Variants in GMPS observed in about 807,000 individuals in gnomAD.
GMPS encodes GMP synthase [glutamine-hydrolyzing].
A neutral mutation model predicts 77.9 loss-of-function variants in GMPS; 15 were observed. That is an observed-to-expected ratio of 0.19 (90% CI 0.13 to 0.30). The LOEUF (loss-of-function observed/expected upper bound fraction) is 0.30. Ranked by LOEUF, GMPS falls within the 10% of genes least tolerant of loss-of-function variation. The pLI, the probability that GMPS is intolerant of heterozygous loss-of-function variation, is 1.00. For missense variants in GMPS, 590 were observed against 838.8 expected (o/e 0.70, Z 3.66); for synonymous variants, 224 against 275.9 (o/e 0.81, Z 1.86).
At chr3:155,904,294 C>CTTT (rs200187226) in intron 4 of GMPS, among the ~76,000 whole-genome samples, 1 of 145,266 alleles carries the variant, frequency 6.9e-6, no homozygotes. Flanking sequence ...TTTTCTTTTT[C>CTTT]TTTTTTTTTT....
At chr3:155,890,814 T>C (rs1754446352) in intron 1 of GMPS, among the ~76,000 whole-genome samples, 2 of 152,354 alleles carry the variant, frequency 1.3e-5, no homozygotes, top group South Asian at 4.1e-4. Context: ...CTTGCCACAG[T>C]CAGCATTTTC....
chr3:155,930,042 G>A (rs1053616969), intron 12 of GMPS, among the ~76,000 whole-genome samples: 23 of 147,954 alleles, frequency 1.6e-4, no homozygotes, highest in African/African-American at 4.0e-4. Context: ...AAAAGAGCCC[G>A]CATCGCCAAG....
intron 1 of GMPS, among the ~76,000 whole-genome samples, chr3:155,892,615 G>A (rs1011962720): frequency 5.3e-5 from 8 of 152,144 alleles, no homozygotes; most frequent in African/African-American, 1.7e-4. Context: ...ACAGCAATCA[G>A]ATTTAAAAAG....
At chr3:155,921,034 G>A (rs1755306635) in intron 10 of GMPS, among the ~76,000 whole-genome samples, 1 of 152,136 alleles carries the variant, frequency 6.6e-6, no homozygotes, top group African/African-American at 2.4e-5. Context: ...TTGAGGTCAG[G>A]AGTTCCAGAC....
At chr3:155,877,693 A>T (rs945304920) in intron 1 of GMPS, among the ~76,000 whole-genome samples, 1 of 152,146 alleles carries the variant, frequency 6.6e-6, no homozygotes. Flanking sequence ...CACAATTCTG[A>T]ACGCTGAGAA....
chr3:155,884,988 A>G (rs75365294), intron 1 of GMPS, among the ~76,000 whole-genome samples: 8,178 of 152,272 alleles, frequency 0.054, 313 homozygotes, highest in East Asian at 0.18. Flanking sequence ...AAAATCTAAG[A>G]GATGTGTTTG....
chr3:155,932,628 C>T (rs1211829456), intron 13 of GMPS, among the ~76,000 whole-genome samples: 1 of 152,122 alleles, frequency 6.6e-6, no homozygotes, highest in Non-Finnish European at 1.5e-5. Flanking sequence ...CACAGTTATT[C>T]TCTCTGTTCA....
chr3:155,924,041 T>G (rs1755391522), intron 11 of GMPS, among the ~76,000 whole-genome samples: 1 of 152,156 alleles, frequency 6.6e-6, no homozygotes, highest in African/African-American at 2.4e-5. Flanking sequence ...CCATCACGCT[T>G]GGCTAATTTT....
Position 155,937,824 on chromosome 3 carries a change from A to G in GMPS, c.*132A>G. On this transcript the variant is annotated 3_prime_UTR_variant, in exon 16 of 16. Coordinates refer to ENST00000496455, the MANE Select transcript of GMPS (RefSeq NM_003875.3). ...CACATCTGAGTTCTCCACAGCAAAA[A>G]TCTACGGCTTAAGAGCTGAGTTGGG... is the stretch of plus-strand genomic sequence containing the variant. The G allele has an allele frequency of 1.7e-6, 1 of 595,496 alleles. No individual in the cohort carries two copies. The highest frequency in any genetic ancestry group is 3.0e-6 in the Non-Finnish European group (1 of 334,182). 36.9% of individuals were successfully genotyped at this position (595,496 alleles called of 1,614,324 possible).
intron 9 of GMPS, among the ~76,000 whole-genome samples, chr3:155,917,675 C>G (rs1054094959): frequency 6.6e-6 from 1 of 151,912 alleles, no homozygotes; most frequent in African/African-American, 2.4e-5. Flanking sequence ...GAGTTTGAGA[C>G]CAGCCTGGTC....
At chr3:155,891,448 G>C (rs1577506467) in intron 1 of GMPS, among the ~76,000 whole-genome samples, 1 of 152,274 alleles carries the variant, frequency 6.6e-6, no homozygotes, top group Non-Finnish European at 1.5e-5. Context: ...GGTCTGAAAG[G>C]ACAAAGTTGT....
In GMPS at chr3:155,870,694, C is replaced by G. The variant is rs981681989; in HGVS notation, c.-177C>G. 34 of 521,520 alleles carry G rather than the reference C, an allele frequency of 6.5e-5. No individual in the cohort carries two copies. The highest frequency in any genetic ancestry group is 9.2e-5 in the Non-Finnish European group (27 of 294,122). The allele number at this position is 521,520 out of a possible 1,614,324, so 32.3% of individuals were successfully genotyped here. A position where few individuals can be genotyped will look rare whatever the true frequency, so the allele number is the denominator to read the frequency against. On this transcript the variant is annotated 5_prime_UTR_variant, in exon 1 of 16. Coordinates refer to ENST00000496455, the MANE Select transcript of GMPS (RefSeq NM_003875.3). ...TTCTCTCCCGCGGCGCTGGGGCCCG[C>G]GCTCCGCTGCTGTTGCTCCATTCGG...
chr3:155,879,436 T>G (rs1285958041), intron 1 of GMPS, among the ~76,000 whole-genome samples: 1 of 151,912 alleles, frequency 6.6e-6, no homozygotes, highest in Non-Finnish European at 1.5e-5. Context: ...CTGGCTAATT[T>G]TTGTACTTTT....
chr3:155,921,777 G>C (rs553191500), intron 10 of GMPS, among the ~76,000 whole-genome samples: 1 of 152,196 alleles, frequency 6.6e-6, no homozygotes, highest in East Asian at 1.9e-4. Context: ...TGGTGACAGA[G>C]CAAGACTCTA....
In GMPS at chr3:155,941,685, G is replaced by C. The variant is rs1042502654; in HGVS notation, c.*3993G>C. ...GAATGTAATGGGGAACTGAATACAAGTTGGATGTCTCCACCCTTGGAAAGC... is the reference window on the plus strand; with the variant it reads ...GAATGTAATGGGGAACTGAATACAACTTGGATGTCTCCACCCTTGGAAAGC... On this transcript the variant is annotated 3_prime_UTR_variant, in exon 16 of 16. Transcript: ENST00000496455. The C allele has an allele frequency of 4.5e-6, 1 of 222,918 alleles. No homozygotes were observed. The highest frequency in any genetic ancestry group is 2.2e-5 in the African/African-American group (1 of 44,760). 13.8% of individuals were successfully genotyped at this position (222,918 alleles called of 1,614,324 possible). A position where few individuals can be genotyped will look rare whatever the true frequency, so the allele number is the denominator to read the frequency against.
intron 4 of GMPS, among the ~76,000 whole-genome samples, chr3:155,905,442 A>G (rs1754851822): frequency 6.6e-6 from 1 of 152,192 alleles, no homozygotes; most frequent in African/African-American, 2.4e-5. Context: ...AAGTCTCTTA[A>G]GTAACACTTA....
rs1221963778 is a variant in GMPS, at chr3:155,938,015, G to T, written c.*323G>T. The T allele has an allele frequency of 7.7e-6, 2 of 259,568 alleles. No homozygotes were observed. Among genetic ancestry groups the T allele is most frequent in the Non-Finnish European group, 1.5e-5 (2 of 135,798 alleles). 16.1% of individuals were successfully genotyped at this position (259,568 alleles called of 1,614,324 possible). A position where few individuals can be genotyped will look rare whatever the true frequency, so the allele number is the denominator to read the frequency against. Reference sequence around the variant, plus strand: ...TGTATGAAGGTGGGTGAATTTGGGGGTAATTATGGGCTTCTGTCTCCTTAC... The same window carrying T: ...TGTATGAAGGTGGGTGAATTTGGGGTTAATTATGGGCTTCTGTCTCCTTAC... On this transcript the variant is annotated 3_prime_UTR_variant, in exon 16 of 16. Transcript: ENST00000496455.
chr3:155,941,112 A>T lies in GMPS; in HGVS notation c.*3420A>T, dbSNP rs1337975956. On this transcript the variant is annotated 3_prime_UTR_variant, in exon 16 of 16. Coordinates refer to ENST00000496455, the MANE Select transcript of GMPS (RefSeq NM_003875.3). The stretch of plus-strand genomic sequence containing the variant: ...AGGGCCCTTCAGGGCAAATCTTAAA[A>T]GGAAGTTCTTGGCCGGGCGCGGTGG... 5.4e-6 allele frequency: 1 copy of T among 184,346 alleles called. No individual in the cohort carries two copies. Among genetic ancestry groups the T allele is most frequent in the East Asian group, 8.8e-5 (1 of 11,402 alleles). 11.4% of individuals were successfully genotyped at this position (184,346 alleles called of 1,614,324 possible).
At chr3:155,886,568 C>CAAAAAA (rs371278045) in intron 1 of GMPS, among the ~76,000 whole-genome samples, 17 of 44,170 alleles carry the variant, frequency 3.8e-4, no homozygotes, top group African/African-American at 1.0e-3. Flanking sequence ...GAGTCCATCT[C>CAAAAAA]AAAAAAAAAA....
Sources: gnomAD v4.1 joint callset for allele counts (sites outside exome capture counted in the v4.1 genomes callset) on GRCh38, gnomAD v4.1.1 for gene constraint, MANE v1.5 for transcripts, NCBI Gene and HGNC (gene_info 2026-07-23, HGNC 2026-07-21) for gene names.